PARN: variants seen among roughly 807,000 people sequenced by gnomAD.
The protein encoded by PARN is poly(A)-specific ribonuclease PARN.
A neutral mutation model predicts 102.8 loss-of-function variants in PARN; 71 were observed. The observed-to-expected ratio is 0.69, with a 90% CI of 0.57 to 0.84. The LOEUF is 0.84. Ranked by LOEUF, PARN falls within the 40% of genes least tolerant of loss-of-function variation. The pLI is 0.00. For synonymous variants in PARN, 261 were observed against 252.9 expected (o/e 1.03, Z -0.30); for missense variants, 782 against 760.9 (o/e 1.03, Z -0.33).
chr16:14,610,549 T>C (rs1971464300), intron 7 of PARN, 95 bp downstream of exon 7: 2 of 737,170 alleles, frequency 2.7e-6, no homozygotes, highest in Non-Finnish European at 4.8e-6. Flanking sequence ...CCCGTGTGTG[T>C]ACTATGTTTG....
intron 21 of PARN, among the ~76,000 whole-genome samples, chr16:14,545,017 T>C (rs1315307776): frequency 1.3e-5 from 2 of 151,966 alleles, no homozygotes; most frequent in African/African-American, 2.4e-5. Flanking sequence ...TGAAACTCCA[T>C]CTCTACCAAA....
chr16:14,477,839 G>A (rs1190322300), intron 22 of PARN, among the ~76,000 whole-genome samples: 1 of 151,644 alleles, frequency 6.6e-6, no homozygotes, highest in Non-Finnish European at 1.5e-5. Context: ...AGGAAGGGAA[G>A]GGAAGGGAAG....
At chr16:14,449,900 C>T (rs565670582) in intron 22 of PARN, among the ~76,000 whole-genome samples, 3 of 152,222 alleles carry the variant, frequency 2.0e-5, no homozygotes, top group Non-Finnish European at 4.4e-5. Flanking sequence ...AATGCAAAAT[C>T]GCATGACTTA....
chr16:14,458,529 T>C (rs748075176), intron 22 of PARN, among the ~76,000 whole-genome samples: 1 of 152,154 alleles, frequency 6.6e-6, no homozygotes, highest in African/African-American at 2.4e-5. Flanking sequence ...CATCAGAGAA[T>C]GGGGTATCAG....
rs1363076432 is a variant in PARN at position 14,623,119 on chromosome 16, ATATG to A, written c.327+3983_327+3986del. Among the ~76,000 whole-genome samples, 23 of 152,006 alleles carry A rather than the reference ATATG, an allele frequency of 1.5e-4. No individual in the cohort carries two copies. In the East Asian group the frequency reaches 4.3e-3, roughly 28 times the overall value. The stretch of plus-strand genomic sequence containing the variant: ...TGTCTCCAAAAAAAAAAAAAAGCTA[ATATG>A]TATGTGTGTCTAGGCATATGTCTAT... On this transcript the variant is annotated intron_variant, in intron 5 of 23. Transcript: ENST00000437198.
rs35329440 is a variant in PARN, at chr16:14,593,492, TAAAAAAAAAAAAA to T, written c.841-127_841-115del. ...TTGTACTAAACTCGCTTTCCAGACT[TAAAAAAAAAAAAA>T]AAAAAAAAAAAAAAAAAAGTACAAA... On this transcript the variant is annotated intron_variant, in intron 12 of 23. Transcript: ENST00000437198. 6.8e-3 allele frequency: 215 copies of T among 31,806 alleles called. 4 individuals are homozygous for T. Among genetic ancestry groups the T allele is most frequent in the South Asian group, 0.021 (13 of 606 alleles). 2.0% of individuals were successfully genotyped at this position (31,806 alleles called of 1,614,324 possible).
chr16:14,577,192 AAATT>A (rs1969197404), intron 18 of PARN, among the ~76,000 whole-genome samples: 1 of 152,220 alleles, frequency 6.6e-6, no homozygotes, highest in African/African-American at 2.4e-5. Context: ...GTGTCAAAAT[AAATT>A]AATCTTCAGA....
chr16:14,480,197 G>T (rs945700920), intron 22 of PARN, among the ~76,000 whole-genome samples: 1 of 152,030 alleles, frequency 6.6e-6, no homozygotes. Context: ...CGCGGGCGTG[G>T]TGGCGCACAT....
chr16:14,611,395 TAGA>T (rs1971511190), intron 6 of PARN, among the ~76,000 whole-genome samples: 1 of 152,134 alleles, frequency 6.6e-6, no homozygotes, highest in Non-Finnish European at 1.5e-5. Flanking sequence ...TGGACAACAT[TAGA>T]AGATTTTAAG....
chr16:14,494,660 C>T (rs1401577938), intron 21 of PARN, among the ~76,000 whole-genome samples: 1 of 152,276 alleles, frequency 6.6e-6, no homozygotes, highest in East Asian at 1.9e-4. Context: ...CGGAACGATG[C>T]GCAGAGGAGC....
At chr16:14,514,587 G>A (rs1021243512) in intron 21 of PARN, among the ~76,000 whole-genome samples, 1 of 152,178 alleles carries the variant, frequency 6.6e-6, no homozygotes, top group South Asian at 2.1e-4. Flanking sequence ...CTAAATATCT[G>A]AGGAAAGATA....
At chr16:14,548,522 T>C (rs1185379517) in intron 21 of PARN, among the ~76,000 whole-genome samples, 1 of 152,192 alleles carries the variant, frequency 6.6e-6, no homozygotes, top group African/African-American at 2.4e-5. Context: ...CTTTACGCAC[T>C]AAAAACGCAA....
At chr16:14,567,046 A>C (rs1968478615) in intron 18 of PARN, among the ~76,000 whole-genome samples, 1 of 152,234 alleles carries the variant, frequency 6.6e-6, no homozygotes, top group Non-Finnish European at 1.5e-5. Flanking sequence ...CTGTCTTTTG[A>C]CTTTGTGAAA....
At chr16:14,455,621 C>T (rs1014227045) in intron 22 of PARN, among the ~76,000 whole-genome samples, 1 of 152,238 alleles carries the variant, frequency 6.6e-6, no homozygotes, top group Non-Finnish European at 1.5e-5. Flanking sequence ...CCAAAACTTA[C>T]ATCTTCCAAC....
chr16:14,623,755 T>C (rs1972468786), intron 5 of PARN, among the ~76,000 whole-genome samples: 1 of 150,510 alleles, frequency 6.6e-6, no homozygotes, highest in African/African-American at 2.4e-5. Context: ...GAGAATTGCT[T>C]GAACCCAGGA....
intron 21 of PARN, among the ~76,000 whole-genome samples, chr16:14,543,539 C>A (rs1277991377): frequency 6.6e-6 from 1 of 152,084 alleles, no homozygotes; most frequent in Non-Finnish European, 1.5e-5. Context: ...TAAAAGACTA[C>A]AAGGAATGGT....
chr16:14,512,486 C>G (rs1294154730), intron 21 of PARN, among the ~76,000 whole-genome samples: 1 of 152,022 alleles, frequency 6.6e-6, no homozygotes, highest in Non-Finnish European at 1.5e-5. Flanking sequence ...GAGTGAGACT[C>G]TCTCAAAAAA....
At chr16:14,456,153 G>A (rs895368261) in intron 22 of PARN, among the ~76,000 whole-genome samples, 1 of 151,426 alleles carries the variant, frequency 6.6e-6, no homozygotes, top group African/African-American at 2.4e-5. Flanking sequence ...TACTACTACA[G>A]TTTTACAGTA....
At position 14,493,587 on chromosome 16, in the gene PARN, G is replaced by A. The variant is rs1964163810; in HGVS notation, c.1481-10760C>T. Among the ~76,000 whole-genome samples, 3 of 152,202 alleles carry A rather than the reference G, an allele frequency of 2.0e-5. No individual in the cohort carries two copies. In the South Asian group the frequency reaches 6.2e-4, roughly 32 times the overall value. ...GGAAGCAGAGATTCCCTGATCCTAA[G>A]AAGCCTGCAATCTGAAGGAAGAGTA... is the stretch of plus-strand genomic sequence containing the variant. On this transcript the variant is annotated intron_variant, in intron 21 of 23. Coordinates refer to ENST00000437198, the MANE Select transcript of PARN (RefSeq NM_002582.4).
Sources: gnomAD v4.1 joint callset for allele counts (sites outside exome capture counted in the v4.1 genomes callset) on GRCh38, gnomAD v4.1.1 for gene constraint, MANE v1.5 for transcripts, NCBI Gene and HGNC (gene_info 2026-07-23, HGNC 2026-07-21) for gene names.